PRKD1: variants seen among roughly 807,000 people sequenced by gnomAD.
PRKD1 encodes the protein serine/threonine-protein kinase D1.
A neutral mutation model predicts 95.9 loss-of-function variants in PRKD1; 63 were observed. The ratio of observed to expected loss-of-function variants is 0.66; its 90% CI spans 0.54 to 0.81. The LOEUF is 0.81. Ranked by LOEUF, PRKD1 falls within the 30% of genes least tolerant of loss-of-function variation. The probability of loss-of-function intolerance (pLI) is 0.00; values close to 1 mark genes in which losing one functional copy is unlikely to be tolerated. For missense variants in PRKD1, 1,048 were observed against 1,165.3 expected (o/e 0.90, Z 1.47); for synonymous variants, 425 against 423.1 (o/e 1.00, Z -0.05).
At chr14:29,780,613 G>A (rs1404393042) in intron 1 of PRKD1, among the ~76,000 whole-genome samples, 1 of 152,148 alleles carries the variant, frequency 6.6e-6, no homozygotes. Flanking sequence ...CAGTTAGAAT[G>A]GTGAACATTA....
chr14:29,905,781 G>A (rs377195344), intron 1 of PRKD1, among the ~76,000 whole-genome samples: 25 of 152,146 alleles, frequency 1.6e-4, no homozygotes, highest in African/African-American at 4.3e-4. Context: ...AAAATACAGC[G>A]GGTATGTATT....
chr14:29,894,176 A>C (rs1476188991), intron 1 of PRKD1, among the ~76,000 whole-genome samples: 1 of 152,196 alleles, frequency 6.6e-6, no homozygotes, highest in East Asian at 1.9e-4. Flanking sequence ...AGGTGGAGGA[A>C]AAGTGGTTCA....
intron 1 of PRKD1, among the ~76,000 whole-genome samples, chr14:29,777,560 A>T (rs1888825479): frequency 6.6e-6 from 1 of 152,210 alleles, no homozygotes; most frequent in South Asian, 2.1e-4. Context: ...TCATTACATA[A>T]TGGTAAAGGG....
At position 29,638,690 on chromosome 14, in the gene PRKD1, T is replaced by G. The variant is rs767767317; in HGVS notation, c.907+4A>C. The G allele has an allele frequency of 6.2e-7, 1 of 1,614,002 alleles. No homozygotes were observed. Among genetic ancestry groups the G allele is most frequent in the Admixed American group, 1.7e-5 (1 of 60,014 alleles). On this transcript the variant is annotated splice_donor_region_variant and intron_variant, in intron 5 of 17. Coordinates refer to ENST00000331968, the MANE Select transcript of PRKD1 (RefSeq NM_002742.3). ...AGTTCGACAGGTGACAAAATCATCCTTACCTTTGCACTGCAAGCCCTGCCT... is the reference window on the plus strand; with the variant it reads ...AGTTCGACAGGTGACAAAATCATCCGTACCTTTGCACTGCAAGCCCTGCCT...
chr14:29,651,121 G>GTAAT (rs1881468186), intron 4 of PRKD1, among the ~76,000 whole-genome samples: 1 of 152,170 alleles, frequency 6.6e-6, no homozygotes, highest in African/African-American at 2.4e-5. Context: ...AAACAACGTG[G>GTAAT]TAAGACCAAA....
intron 1 of PRKD1, among the ~76,000 whole-genome samples, chr14:29,888,607 T>A (rs928769909): frequency 6.6e-6 from 1 of 152,178 alleles, no homozygotes; most frequent in African/African-American, 2.4e-5. Flanking sequence ...GAGGAAAGTC[T>A]ATGACATCTA....
intron 1 of PRKD1, among the ~76,000 whole-genome samples, chr14:29,874,154 G>C (rs556869218): frequency 6.6e-6 from 1 of 152,186 alleles, no homozygotes; most frequent in South Asian, 2.1e-4. Flanking sequence ...TTGAGTTTTA[G>C]CTGATGTTTA....
At chr14:29,885,190 G>A (rs1220868139) in intron 1 of PRKD1, among the ~76,000 whole-genome samples, 1 of 152,040 alleles carries the variant, frequency 6.6e-6, no homozygotes, top group East Asian at 1.9e-4. Context: ...ATTGCGTGGG[G>A]GACCTGACAA....
At chr14:29,725,465 A>G in intron 2 of PRKD1, 71 bp downstream of exon 2, 1 of 1,536,218 alleles carries the variant, frequency 6.5e-7, no homozygotes, top group South Asian at 1.2e-5. Context: ...TTCCTTAAAA[A>G]CATATGCCCA....
At chr14:29,843,037 A>G (rs879812460) in intron 1 of PRKD1, among the ~76,000 whole-genome samples, 1 of 152,188 alleles carries the variant, frequency 6.6e-6, no homozygotes, top group Non-Finnish European at 1.5e-5. Context: ...TATTAACGGA[A>G]TTGTTTATCC....
chr14:29,623,299 A>T (rs1879399037), intron 13 of PRKD1, among the ~76,000 whole-genome samples: 1 of 152,218 alleles, frequency 6.6e-6, no homozygotes, highest in African/African-American at 2.4e-5. Flanking sequence ...CTTAGGACAG[A>T]ATTCATATCT....
intron 2 of PRKD1, among the ~76,000 whole-genome samples, chr14:29,721,053 T>C (rs1056647541): frequency 1.3e-5 from 2 of 152,172 alleles, no homozygotes; most frequent in Admixed American, 6.6e-5. Context: ...ATCAACTACA[T>C]CAAAATGGTT....
intron 2 of PRKD1, among the ~76,000 whole-genome samples, chr14:29,715,658 A>G (rs1246396973): frequency 2.6e-5 from 4 of 152,174 alleles, no homozygotes; most frequent in Non-Finnish European, 5.9e-5. Context: ...GTTTTTTCAA[A>G]CATTCTAACT....
Position 29,641,637 on chromosome 14 carries a change from T to G in PRKD1, c.697-2733A>C, listed in dbSNP as rs557593821. On this transcript the variant is annotated intron_variant, in intron 4 of 17. Transcript: ENST00000331968. ...TGTGCTTTCCCTAACATGAGGCAAA[T>G]CTGAAGTGTGAAAACAAAAAAGTAA... 1.3e-4 allele frequency among the ~76,000 whole-genome samples: 20 copies of G among 152,174 alleles called. No individual in the cohort carries two copies. The East Asian group carries it at 2.3e-3, about 18-fold the overall frequency.
intron 1 of PRKD1, among the ~76,000 whole-genome samples, chr14:29,875,727 TA>T (rs1893263870): frequency 6.6e-6 from 1 of 152,210 alleles, no homozygotes; most frequent in African/African-American, 2.4e-5. Context: ...GGAGATGTAT[TA>T]AAAAGGCTTG....
chr14:29,671,720 A>G (rs1882854102), intron 2 of PRKD1, among the ~76,000 whole-genome samples: 1 of 152,190 alleles, frequency 6.6e-6, no homozygotes, highest in South Asian at 2.1e-4. Flanking sequence ...TGAGTACTTA[A>G]AAGCTTATTT....
intron 2 of PRKD1, among the ~76,000 whole-genome samples, chr14:29,719,131 G>A (rs1018683616): frequency 8.5e-5 from 13 of 152,076 alleles, no homozygotes; most frequent in East Asian, 5.8e-4. Flanking sequence ...GCATTGAATC[G>A]TAGTAGGAGT....
chr14:29,894,125 C>T (rs1894035291), intron 1 of PRKD1, among the ~76,000 whole-genome samples: 1 of 152,080 alleles, frequency 6.6e-6, no homozygotes, highest in African/African-American at 2.4e-5. Context: ...AAAGTTGAGA[C>T]ATTCAAGATA....
At chr14:29,747,834 C>G (rs967270386) in intron 1 of PRKD1, among the ~76,000 whole-genome samples, 1 of 152,130 alleles carries the variant, frequency 6.6e-6, no homozygotes. Context: ...ACCTCTGTCT[C>G]CTGAACTCAA....
Sources: allele counts gnomAD v4.1 joint callset (sites outside exome capture counted in the v4.1 genomes callset), GRCh38; gene constraint gnomAD v4.1.1; transcripts MANE v1.5; gene names NCBI Gene and HGNC (gene_info 2026-07-23, HGNC 2026-07-21).